The following NUBPL variants were observed in gnomAD, a reference collection of about 807,000 sequenced individuals.
NUBPL encodes the protein iron-sulfur cluster transfer protein NUBPL.
NUBPL carries 31 observed loss-of-function variants against 45.7 expected under a neutral mutation model. That is an observed-to-expected ratio of 0.68 (90% CI 0.51 to 0.92). NUBPL has a LOEUF of 0.92. NUBPL is among the 40% of genes least tolerant of loss of function. NUBPL has a pLI of 0.00. For missense variants in NUBPL, 401 were observed against 398.7 expected, an observed-to-expected ratio of 1.01 and a Z score of -0.05; for synonymous variants, 144 against 140.9, an observed-to-expected ratio of 1.02 and a Z score of -0.15.
chr14:31,828,411 G>C (rs965086597), intron 8 of NUBPL, among the ~76,000 whole-genome samples: 3 of 152,148 alleles, frequency 2.0e-5, no homozygotes. Flanking sequence ...GCAGAAATTA[G>C]ATAACAGTGC....
At chr14:31,771,987 C>A (rs2039017703) in intron 6 of NUBPL, 3 of 562,074 alleles carry the variant, frequency 5.3e-6, no homozygotes, top group Non-Finnish European at 6.8e-6. Flanking sequence ...ACCTTAACCA[C>A]TGAACAGTGT....
chr14:31,565,099 A>G, intron 3 of NUBPL, 51 bp downstream of exon 3: 1 of 1,072,198 alleles, frequency 9.3e-7, no homozygotes, highest in South Asian at 1.4e-5. Flanking sequence ...TTTTAAGGCA[A>G]TGATAAAGAG....
At chr14:31,653,804 G>A (rs2036073412) in intron 4 of NUBPL, among the ~76,000 whole-genome samples, 1 of 152,196 alleles carries the variant, frequency 6.6e-6, no homozygotes, top group Non-Finnish European at 1.5e-5. Context: ...CACAATTTAT[G>A]TTCAGAGGCT....
At chr14:31,805,519 T>C (rs1394550807) in intron 7 of NUBPL, among the ~76,000 whole-genome samples, 1 of 152,190 alleles carries the variant, frequency 6.6e-6, no homozygotes, top group African/African-American at 2.4e-5. Flanking sequence ...TCAACCTAAA[T>C]GCCTATCAAT....
At chr14:31,850,300 A>G (rs965857241) in intron 10 of NUBPL, 99 bp downstream of exon 10, 1 of 868,050 alleles carries the variant, frequency 1.2e-6, no homozygotes, top group Admixed American at 2.0e-5. Context: ...TTTGCAGTGC[A>G]TATATATTTA....
At chr14:31,830,895 A>G (rs138432121) in intron 8 of NUBPL, among the ~76,000 whole-genome samples, 32 of 151,740 alleles carry the variant, frequency 2.1e-4, no homozygotes, top group African/African-American at 7.3e-4. Flanking sequence ...TCCACACACC[A>G]TTTTTCTCCT....
At chr14:31,602,387 A>AATG (rs2034462688) in intron 4 of NUBPL, among the ~76,000 whole-genome samples, 1 of 21,810 alleles carries the variant, frequency 4.6e-5, no homozygotes, top group African/African-American at 4.4e-4. Context: ...CTTAAAGTAT[A>AATG]ATAATAGAAA....
chr14:31,602,511 A>T (rs2034469619), intron 4 of NUBPL, among the ~76,000 whole-genome samples: 1 of 152,072 alleles, frequency 6.6e-6, no homozygotes, highest in Non-Finnish European at 1.5e-5. Flanking sequence ...TAATAAAATA[A>T]ATAAAAAGTA....
chr14:31,644,323 G>A lies in NUBPL; in HGVS notation c.383-29032G>A, dbSNP rs75027158. Among the ~76,000 whole-genome samples the A allele has an allele frequency of 6.7e-3, 1,015 of 151,880 alleles. 10 individuals are homozygous for A. The highest frequency in any genetic ancestry group is 0.012 in the Non-Finnish European group (790 of 67,882). On this transcript the variant is annotated intron_variant, in intron 4 of 10. Transcript: ENST00000281081. ...CTTCCATCTTCATACTGTTTTTCCT[G>A]TACCGTAGATTTTGGTATGCTGTAT...
chr14:31,798,808 A>AG (rs2039522885), intron 7 of NUBPL, among the ~76,000 whole-genome samples: 1 of 149,858 alleles, frequency 6.7e-6, no homozygotes, highest in Admixed American at 6.6e-5. Flanking sequence ...AAAAAAAAAA[A>AG]AAAAAAAAAG....
chr14:31,581,526 T>C (rs185099904), intron 3 of NUBPL, among the ~76,000 whole-genome samples: 1 of 152,360 alleles, frequency 6.6e-6, no homozygotes, highest in Admixed American at 6.5e-5. Flanking sequence ...CAAATTGTTA[T>C]CAAGGTTCAT....
chr14:31,645,564 T>C (rs916911158), intron 4 of NUBPL, among the ~76,000 whole-genome samples: 2 of 152,192 alleles, frequency 1.3e-5, no homozygotes, highest in African/African-American at 4.8e-5. Flanking sequence ...TTGTCTTCTT[T>C]TGTGGTTAAC....
chr14:31,711,810 G>A (rs531350435), intron 6 of NUBPL, among the ~76,000 whole-genome samples: 126 of 151,996 alleles, frequency 8.3e-4, no homozygotes, highest in Non-Finnish European at 1.4e-3. Flanking sequence ...TCATGGTTTC[G>A]CTGGCCTCAG....
intron 4 of NUBPL, chr14:31,654,234 A>G: frequency 3.3e-6 from 1 of 304,572 alleles, no homozygotes; most frequent in Non-Finnish European, 6.8e-6. Context: ...GTCTAAAAAT[A>G]TGTATGTACC....
chr14:31,639,702 C>T (rs1488488285), intron 4 of NUBPL, among the ~76,000 whole-genome samples: 1 of 152,226 alleles, frequency 6.6e-6, no homozygotes, highest in African/African-American at 2.4e-5. Context: ...CCTACAGAGG[C>T]AGGCAGGCCT....
intron 6 of NUBPL, among the ~76,000 whole-genome samples, chr14:31,706,322 G>A (rs890698015): frequency 3.9e-5 from 6 of 152,136 alleles, no homozygotes; most frequent in Non-Finnish European, 8.8e-5. Context: ...AGGGGTCCTC[G>A]GTAGAAGTTG....
intron 6 of NUBPL, among the ~76,000 whole-genome samples, chr14:31,698,290 T>C (rs1045997912): frequency 2.0e-5 from 3 of 152,170 alleles, no homozygotes; most frequent in Admixed American, 2.0e-4. Flanking sequence ...ATTTTAATAC[T>C]GATTGAATTG....
At chr14:31,674,746 T>TA (rs1326165836) in intron 6 of NUBPL, among the ~76,000 whole-genome samples, 2 of 152,198 alleles carry the variant, frequency 1.3e-5, no homozygotes, top group African/African-American at 4.8e-5. Context: ...TACATGTTGT[T>TA]ATTCTCAAAA....
At chr14:31,799,411 A>C (rs2039541050) in intron 7 of NUBPL, among the ~76,000 whole-genome samples, 1 of 152,198 alleles carries the variant, frequency 6.6e-6, no homozygotes, top group Non-Finnish European at 1.5e-5. Context: ...ACATCCCTGC[A>C]AGAAATAAGG....
Sources: gnomAD v4.1 joint callset for allele counts (sites outside exome capture counted in the v4.1 genomes callset) on GRCh38, gnomAD v4.1.1 for gene constraint, MANE v1.5 for transcripts, NCBI Gene and HGNC (gene_info 2026-07-23, HGNC 2026-07-21) for gene names.